The following FNDC3B variants were observed in gnomAD, a reference collection of about 807,000 sequenced individuals.
FNDC3B encodes fibronectin type III domain-containing protein 3B.
FNDC3B carries 12 observed loss-of-function variants against 151.5 expected under a neutral mutation model. That is an observed-to-expected ratio of 0.08 (90% CI 0.05 to 0.13). The LOEUF (loss-of-function observed/expected upper bound fraction) is 0.13. FNDC3B is among the 10% of genes least tolerant of loss of function. FNDC3B has a pLI of 1.00. For synonymous variants in FNDC3B, 528 were observed against 549.0 expected (o/e 0.96, Z 0.54); for missense variants, 1,214 against 1,505.3 (o/e 0.81, Z 3.20).
In FNDC3B at chr3:172,400,858, G is replaced by A. The variant is rs1736539539; in HGVS notation, c.*3383G>A. ...TGCAACCTCCAGCTCCCAGGTTCAA[G>A]TGATTCCCCTGCCTCAGCCTCCCAA... is the stretch of plus-strand genomic sequence containing the variant. On this transcript the variant is annotated 3_prime_UTR_variant, in exon 26 of 26. Coordinates refer to ENST00000415807, the MANE Select transcript of FNDC3B (RefSeq NM_022763.4). 1 of 149,504 alleles carries A rather than the reference G, an allele frequency of 6.7e-6. No individual in the cohort carries two copies. The allele number at this position is 149,504 out of a possible 1,614,324, so 9.3% of individuals were successfully genotyped here. A position where few individuals can be genotyped will look rare whatever the true frequency, so the allele number is the denominator to read the frequency against.
At chr3:172,118,022 C>T (rs1720349164) in intron 2 of FNDC3B, among the ~76,000 whole-genome samples, 1 of 152,214 alleles carries the variant, frequency 6.6e-6, no homozygotes, top group South Asian at 2.1e-4. Context: ...TGTTGATCAG[C>T]ACTTAGCATG....
intron 3 of FNDC3B, among the ~76,000 whole-genome samples, chr3:172,159,886 G>C (rs11919684): frequency 0.17 from 26,576 of 152,166 alleles, 2,757 homozygotes; most frequent in East Asian, 0.38. Context: ...AACATAGATA[G>C]TACACCATTT....
intron 9 of FNDC3B, among the ~76,000 whole-genome samples, chr3:172,305,439 T>C (rs1427041614): frequency 6.6e-6 from 1 of 152,240 alleles, no homozygotes; most frequent in Non-Finnish European, 1.5e-5. Context: ...TCCACAAGTA[T>C]GAGTTTGGCT....
chr3:172,324,425 G>A lies in FNDC3B; in HGVS notation c.1255-4527G>A, dbSNP rs760765846. 5.1e-4 allele frequency among the ~76,000 whole-genome samples: 77 copies of A among 152,118 alleles called. 2 individuals are homozygous for A. Among genetic ancestry groups the A allele is most frequent in the Non-Finnish European group, 9.3e-4 (63 of 68,030 alleles). Reference sequence around the variant, plus strand: ...TAGATAAGCAACAACTGTGAATTAGGTTGAGTGCGAAGAGGAACACTCAGC... The same window carrying A: ...TAGATAAGCAACAACTGTGAATTAGATTGAGTGCGAAGAGGAACACTCAGC... On this transcript the variant is annotated intron_variant, in intron 11 of 25. Transcript: ENST00000415807.
At chr3:172,185,930 G>A (rs1324342337) in intron 3 of FNDC3B, among the ~76,000 whole-genome samples, 2 of 152,150 alleles carry the variant, frequency 1.3e-5, no homozygotes, top group Non-Finnish European at 2.9e-5. Flanking sequence ...ACTGATTTAG[G>A]GGACCACACT....
intron 6 of FNDC3B, among the ~76,000 whole-genome samples, chr3:172,278,188 A>T (rs1032646481): frequency 2.6e-5 from 4 of 152,360 alleles, no homozygotes; most frequent in African/African-American, 9.6e-5. Context: ...TAGAAATTGT[A>T]CTCTGGATTC....
intron 3 of FNDC3B, among the ~76,000 whole-genome samples, chr3:172,210,875 G>A (rs1725700905): frequency 1.3e-5 from 2 of 149,576 alleles, no homozygotes; most frequent in African/African-American, 2.6e-5. Context: ...TGTGTTACTC[G>A]GATGTGTTAC....
intron 10 of FNDC3B, 65 bp downstream of exon 10, chr3:172,307,566 G>T: frequency 1.3e-6 from 2 of 1,544,118 alleles, no homozygotes; most frequent in Non-Finnish European, 8.9e-7. Flanking sequence ...GTGGCAACGT[G>T]TTCCTAGTCC....
At chr3:172,385,682 C>T (rs560125075) in intron 25 of FNDC3B, among the ~76,000 whole-genome samples, 9 of 152,064 alleles carry the variant, frequency 5.9e-5, no homozygotes, top group African/African-American at 1.7e-4. Flanking sequence ...CCTCAGCCTC[C>T]CGAGTAGCTG....
chr3:172,322,492 G>C (rs180862122), intron 11 of FNDC3B, among the ~76,000 whole-genome samples: 106 of 152,274 alleles, frequency 7.0e-4, no homozygotes, highest in African/African-American at 2.4e-3. Flanking sequence ...GTTTCTCAAT[G>C]GATAGGGAAT....
intron 1 of FNDC3B, among the ~76,000 whole-genome samples, chr3:172,097,906 T>G (rs1424879497): frequency 6.6e-6 from 1 of 152,228 alleles, no homozygotes; most frequent in Non-Finnish European, 1.5e-5. Flanking sequence ...CTTGTGATAT[T>G]CTTTATTATT....
intron 22 of FNDC3B, among the ~76,000 whole-genome samples, chr3:172,354,077 A>T (rs1179059500): frequency 6.6e-6 from 1 of 152,170 alleles, no homozygotes. Flanking sequence ...ATCTTGAAGT[A>T]GAGGCTGATT....
chr3:172,175,786 G>T (rs1440366701), intron 3 of FNDC3B, among the ~76,000 whole-genome samples: 2 of 152,162 alleles, frequency 1.3e-5, no homozygotes. Flanking sequence ...GAAGTGTGAA[G>T]GGTCTCCCCA....
chr3:172,124,134 A>C lies in FNDC3B; in HGVS notation c.112-9337A>C, dbSNP rs377029396. On this transcript the variant is annotated intron_variant, in intron 2 of 25. Coordinates refer to ENST00000415807, the MANE Select transcript of FNDC3B (RefSeq NM_022763.4). ...TAGATGAAGTCTTGCTCTGTCGCCC[A>C]GGCTGGAGTGCAATGGCGCGATCTC... Among the ~76,000 whole-genome samples the C allele has an allele frequency of 3.9e-3, 600 of 152,106 alleles. 2 individuals carry two copies. Among genetic ancestry groups the C allele is most frequent in the Middle Eastern group, 0.02 (6 of 294 alleles).
intron 10 of FNDC3B, among the ~76,000 whole-genome samples, chr3:172,308,608 G>C (rs1731310603): frequency 6.6e-6 from 1 of 152,198 alleles, no homozygotes; most frequent in Non-Finnish European, 1.5e-5. Flanking sequence ...GGCCTCAGTT[G>C]ATCCCTCTTA....
At position 172,330,640 on chromosome 3, in the gene FNDC3B, G is replaced by A. The variant is rs1732598977; in HGVS notation, c.1479G>A (p.Leu493=). The part of the protein sequence containing the change: ...LVRAGITWVT[L]QWSKPEGCSP... ...GAGCTGGCATCACATGGGTCACGTT[G>A]CAGTGGAGTAAGCCAGAAGGCTGTT... Residue 493 remains leucine (L), a synonymous_variant, in exon 13 of 26, where the codon TTG becomes TTA. Coordinates refer to ENST00000415807, the MANE Select transcript of FNDC3B (RefSeq NM_022763.4). 1.2e-6 allele frequency: 2 copies of A among 1,614,072 alleles called. No homozygotes were observed. Among genetic ancestry groups the A allele is most frequent in the South Asian group, 2.2e-5 (2 of 91,090 alleles).
At chr3:172,172,895 G>C (rs1172998236) in intron 3 of FNDC3B, among the ~76,000 whole-genome samples, 2 of 152,152 alleles carry the variant, frequency 1.3e-5, no homozygotes, top group African/African-American at 2.4e-5. Flanking sequence ...TTAGGAGTGA[G>C]TTACTTAGGG....
chr3:172,141,153 CT>C (rs1034270080), intron 3 of FNDC3B, among the ~76,000 whole-genome samples: 32 of 149,178 alleles, frequency 2.1e-4, no homozygotes, highest in East Asian at 9.9e-4. Context: ...TTTCCCCCCC[CT>C]AAATAGATGG....
At chr3:172,391,502 A>G (rs191006209) in intron 25 of FNDC3B, among the ~76,000 whole-genome samples, 1 of 152,332 alleles carries the variant, frequency 6.6e-6, no homozygotes, top group African/African-American at 2.4e-5. Flanking sequence ...TCCGAGTGCC[A>G]AGTCACACCA....
Sources: allele counts gnomAD v4.1 joint callset (sites outside exome capture counted in the v4.1 genomes callset), GRCh38; gene constraint gnomAD v4.1.1; transcripts MANE v1.5; gene names NCBI Gene and HGNC (gene_info 2026-07-23, HGNC 2026-07-21).